PRKN: variants seen among roughly 807,000 people sequenced by gnomAD.
PRKN encodes E3 ubiquitin-protein ligase parkin.
PRKN carries 56 observed loss-of-function variants against 59.5 expected under a neutral mutation model. The ratio of observed to expected loss-of-function variants is 0.94; its 90% CI spans 0.76 to 1.18. The LOEUF is 1.18. PRKN is among the 50% of genes most tolerant of loss of function. The pLI is 0.00. For missense variants in PRKN, 657 were observed against 596.4 expected (o/e 1.10, Z -1.06); for synonymous variants, 250 against 222.1 (o/e 1.13, Z -1.12).
rs115196626 is a variant in PRKN, at chr6:161,601,416, A to G, written c.872-32000T>C. On this transcript the variant is annotated intron_variant, in intron 7 of 11. Transcript: ENST00000366898. The stretch of plus-strand genomic sequence containing the variant: ...ATCCAGTCATGTGGACTCTGCCCTC[A>G]TGATCTTGTAACTCCCCAAAGGCCC... 6.9e-3 allele frequency among the ~76,000 whole-genome samples: 1,050 copies of G among 152,138 alleles called. 13 individuals carry two copies. The highest frequency in any genetic ancestry group is 0.024 in the African/African-American group (1,006 of 41,500).
intron 9 of PRKN, among the ~76,000 whole-genome samples, chr6:161,443,565 G>C (rs746111236): frequency 1.2e-3 from 190 of 152,246 alleles, no homozygotes; most frequent in Admixed American, 2.3e-3. Flanking sequence ...AAGCCTGACA[G>C]TAGTTTTACA....
chr6:162,092,659 T>C (rs1035259392), intron 4 of PRKN, among the ~76,000 whole-genome samples: 1 of 152,220 alleles, frequency 6.6e-6, no homozygotes, highest in Non-Finnish European at 1.5e-5. Context: ...ACTAGTATCA[T>C]CATTATCTGC....
intron 5 of PRKN, among the ~76,000 whole-genome samples, chr6:162,040,225 T>C (rs949874621): frequency 6.6e-6 from 1 of 152,100 alleles, no homozygotes; most frequent in African/African-American, 2.4e-5. Context: ...GTAGGAAACC[T>C]GGGCATTTAC....
At chr6:162,323,752 C>G (rs1371798423) in intron 2 of PRKN, among the ~76,000 whole-genome samples, 1 of 151,976 alleles carries the variant, frequency 6.6e-6, no homozygotes, top group East Asian at 1.9e-4. Context: ...CTAATCATAC[C>G]AAATACTGGT....
At chr6:161,521,191 A>G (rs1331332829) in intron 9 of PRKN, among the ~76,000 whole-genome samples, 1 of 143,142 alleles carries the variant, frequency 7.0e-6, no homozygotes, top group Admixed American at 7.1e-5. Flanking sequence ...GGAGACTTCT[A>G]GTTCTCAAGA....
intron 2 of PRKN, among the ~76,000 whole-genome samples, chr6:162,441,359 C>A (rs191201296): frequency 8.5e-5 from 13 of 152,240 alleles, no homozygotes; most frequent in Middle Eastern, 3.4e-3. Context: ...TCTAGAAGAA[C>A]AAGAACCCAT....
intron 6 of PRKN, among the ~76,000 whole-genome samples, chr6:161,919,327 T>C (rs1410447825): frequency 6.6e-6 from 1 of 152,216 alleles, no homozygotes; most frequent in Non-Finnish European, 1.5e-5. Flanking sequence ...AGCAGACAGT[T>C]GATCAGTGTT....
intron 2 of PRKN, among the ~76,000 whole-genome samples, chr6:162,320,778 T>C (rs953624568): frequency 2.0e-5 from 3 of 151,536 alleles, no homozygotes; most frequent in African/African-American, 7.3e-5. Flanking sequence ...AAAATGAAAA[T>C]GCATTTCTAA....
chr6:161,614,435 G>A (rs541979604), intron 7 of PRKN, among the ~76,000 whole-genome samples: 3 of 152,304 alleles, frequency 2.0e-5, no homozygotes, highest in East Asian at 3.9e-4. Context: ...AACAAAGCTA[G>A]AAAAGGCTTT....
At chr6:161,919,670 A>C (rs1778706271) in intron 6 of PRKN, among the ~76,000 whole-genome samples, 1 of 152,222 alleles carries the variant, frequency 6.6e-6, no homozygotes, top group Non-Finnish European at 1.5e-5. Flanking sequence ...TCACAATTTA[A>C]AGGGGCAGCT....
chr6:162,139,358 C>G (rs1407223175), intron 4 of PRKN, among the ~76,000 whole-genome samples: 6 of 152,096 alleles, frequency 3.9e-5, no homozygotes, highest in Non-Finnish European at 7.4e-5. Flanking sequence ...AAATATAAAG[C>G]CTTCCCTTGA....
chr6:161,808,254 A>G (rs1396334628), intron 6 of PRKN, among the ~76,000 whole-genome samples: 2 of 152,132 alleles, frequency 1.3e-5, no homozygotes, highest in East Asian at 1.9e-4. Context: ...TCAATTTAAA[A>G]TATTATTTTT....
chr6:161,778,325 C>A (rs1176561064), intron 7 of PRKN, among the ~76,000 whole-genome samples: 1 of 152,154 alleles, frequency 6.6e-6, no homozygotes, highest in African/African-American at 2.4e-5. Flanking sequence ...CATTCACACT[C>A]CTAAGTTCAG....
chr6:161,494,548 T>A (rs1485364914), intron 9 of PRKN, among the ~76,000 whole-genome samples: 1 of 152,218 alleles, frequency 6.6e-6, no homozygotes. Flanking sequence ...AGATTTCAAA[T>A]CTGTTTGTGC....
chr6:161,901,381 G>T (rs1484008036), intron 6 of PRKN, among the ~76,000 whole-genome samples: 1 of 152,168 alleles, frequency 6.6e-6, no homozygotes, highest in Non-Finnish European at 1.5e-5. Flanking sequence ...CTGGGGGAGA[G>T]AAAAAGTAGG....
intron 4 of PRKN, among the ~76,000 whole-genome samples, chr6:162,130,558 A>G (rs1781311425): frequency 6.6e-6 from 1 of 152,180 alleles, no homozygotes; most frequent in South Asian, 2.1e-4. Context: ...GGAGGTGCCC[A>G]GGAACAACCA....
At chr6:161,957,253 C>T (rs1165209376) in intron 6 of PRKN, among the ~76,000 whole-genome samples, 1 of 152,128 alleles carries the variant, frequency 6.6e-6, no homozygotes, top group African/African-American at 2.4e-5. Flanking sequence ...GAACTATCAC[C>T]ACAACCTTGA....
rs1237871379 is a variant in PRKN, at chr6:162,727,693, G to A, written c.-25C>T. 8 of 1,569,164 alleles carry A rather than the reference G, an allele frequency of 5.1e-6. No homozygotes were observed. The East Asian group carries it at 1.4e-4, about 28-fold the overall frequency. On this transcript the variant is annotated 5_prime_UTR_variant, in exon 1 of 12. Coordinates refer to ENST00000366898, the MANE Select transcript of PRKN (RefSeq NM_004562.3). ...TGGTCACTGGGTAGGTGGCGGCTGC[G>A]GGCCAGGAACAGGCCCATGCGCGCA...
In PRKN at chr6:161,518,673, G is replaced by A. The variant is rs141352722; in HGVS notation, c.1083+30181C>T. 3.8e-4 allele frequency among the ~76,000 whole-genome samples: 58 copies of A among 152,320 alleles called. No homozygotes were observed. The East Asian group carries it at 0.01, about 27-fold the overall frequency. On this transcript the variant is annotated intron_variant, in intron 9 of 11. Transcript: ENST00000366898. This position sits in a 1 kb window ranked among gnomAD's most constrained non-coding sequence, Gnocchi z 5.0. Reference sequence around the variant, plus strand: ...CCAGCCCCCTAGTGAGGTGAACCACGGCTCCTGTCCAGGGGCCCATTGCAA... The same window carrying A: ...CCAGCCCCCTAGTGAGGTGAACCACAGCTCCTGTCCAGGGGCCCATTGCAA...
Sources: allele counts gnomAD v4.1 joint callset (sites outside exome capture counted in the v4.1 genomes callset), GRCh38; gene constraint gnomAD v4.1.1; non-coding constraint Gnocchi (gnomAD v3.1); transcripts MANE v1.5; gene names NCBI Gene and HGNC (gene_info 2026-07-23, HGNC 2026-07-21).